Variants in YTHDC1 observed in about 807,000 individuals in gnomAD.
YTHDC1 encodes the protein YTH N6-methyladenosine RNA binding protein C1, also known as YTH domain-containing protein 1.
A neutral mutation model predicts 107.0 loss-of-function variants in YTHDC1; 12 were observed. The ratio of observed to expected loss-of-function variants is 0.11; its 90% CI spans 0.07 to 0.18. The LOEUF (loss-of-function observed/expected upper bound fraction) is 0.18. YTHDC1 is among the 10% of genes least tolerant of loss of function. YTHDC1 has a pLI of 1.00. For missense variants in YTHDC1, 635 were observed against 898.8 expected (o/e 0.71, Z 3.75); for synonymous variants, 280 against 289.5 (o/e 0.97, Z 0.33).
rs991205116 is a variant in YTHDC1, at chr4:68,310,652, T to C, written c.*3447A>G. On this transcript the variant is annotated 3_prime_UTR_variant, in exon 17 of 17. Coordinates refer to ENST00000344157, the MANE Select transcript of YTHDC1 (RefSeq NM_001031732.4). ...TTTCCTGTGTGCCTCAATTTTAATA[T>C]GTGTTTCAAACTGCATTTGGAATGT... is the stretch of plus-strand genomic sequence containing the variant. 2.0e-5 allele frequency: 3 copies of C among 152,174 alleles called. No homozygotes were observed. Among genetic ancestry groups the C allele is most frequent in the African/African-American group, 4.8e-5 (2 of 41,428 alleles). The allele number at this position is 152,174 out of a possible 1,614,324, so 9.4% of individuals were successfully genotyped here.
rs1721839309 is a variant in YTHDC1, at chr4:68,316,195, C to T, written c.1959+119G>A. On this transcript the variant is annotated intron_variant, in intron 16 of 16. Transcript: ENST00000344157. Reference sequence around the variant, plus strand: ...ATAAAAACAAACAATTATTCCAAAACAGTCTGCAGTAAGAATATGCAATGG... The same window carrying T: ...ATAAAAACAAACAATTATTCCAAAATAGTCTGCAGTAAGAATATGCAATGG... 3.5e-6 allele frequency: 4 copies of T among 1,138,944 alleles called. No homozygotes were observed. In the Admixed American group the frequency reaches 1.0e-4, roughly 30 times the overall value. The allele number at this position is 1,138,944 out of a possible 1,614,324, so 70.6% of individuals were successfully genotyped here.
chr4:68,317,052 G>C (rs1419188399), intron 15 of YTHDC1, among the ~76,000 whole-genome samples: 6 of 152,090 alleles, frequency 3.9e-5, no homozygotes, highest in Non-Finnish European at 7.4e-5. Context: ...GTAACAGAGT[G>C]AGACCTTGTC....
In YTHDC1 at chr4:68,337,306, C is replaced by G. The variant is rs1418560842; in HGVS notation, c.604G>C (p.Glu202Gln). Reference protein sequence around the residue: ...DEQGNNTENEEEGVEEDVEED... With the variant: ...DEQGNNTENEQEGVEEDVEED... ...TCCACATCTTCTTCCACTCCTTCCT[C>G]CTCATTCTCAGTGTTGTTCCCTTGC... is the stretch of plus-strand genomic sequence containing the variant. The change falls in exon 4 of 17, where the codon GAG becomes CAG. Residue 202 changes from glutamate to glutamine, a missense_variant. Around this residue, in one of 5 missense-constraint regions of YTHDC1, gnomAD observed 294 missense variants for 312.3 expected, o/e 0.94. Transcript: ENST00000344157. The G allele has an allele frequency of 3.7e-6, 6 of 1,613,970 alleles. No individual in the cohort carries two copies. The highest frequency in any genetic ancestry group is 3.4e-6 in the Non-Finnish European group (4 of 1,179,956).
At chr4:68,349,557 G>A (rs1035893065) in intron 1 of YTHDC1, among the ~76,000 whole-genome samples, 169 bp downstream of exon 1, 3 of 152,066 alleles carry the variant, frequency 2.0e-5, no homozygotes, top group Non-Finnish European at 4.4e-5. Context: ...CGAAAGGGCA[G>A]GCCTGGTCTC....
chr4:68,322,978 C>T lies in YTHDC1; in HGVS notation c.1435-63G>A. On this transcript the variant is annotated intron_variant, in intron 10 of 16. Coordinates refer to ENST00000344157, the MANE Select transcript of YTHDC1 (RefSeq NM_001031732.4). The surrounding 1 kb of genome is among the most constrained non-coding windows in gnomAD (Gnocchi z 4.8). ...GACCCTTTCAACAGACTTGCATTTTCCTGATGTACCAGAACAAAAACTGAC... is the reference window on the plus strand; with the variant it reads ...GACCCTTTCAACAGACTTGCATTTTTCTGATGTACCAGAACAAAAACTGAC... 6.5e-7 allele frequency: 1 copy of T among 1,533,006 alleles called. No individual in the cohort carries two copies. The highest frequency in any genetic ancestry group is 1.4e-5 in the African/African-American group (1 of 73,118). The allele number at this position is 1,533,006 out of a possible 1,614,324, so 95.0% of individuals were successfully genotyped here.
At chr4:68,314,996 A>C (rs1721664920) in intron 16 of YTHDC1, among the ~76,000 whole-genome samples, 1 of 152,196 alleles carries the variant, frequency 6.6e-6, no homozygotes, top group South Asian at 2.1e-4. Context: ...TGATTATGTA[A>C]GTAGAGAATA....
Position 68,333,413 on chromosome 4 carries a change from G to GT in YTHDC1, c.884-17dup, listed in dbSNP as rs745405437. On this transcript the variant is annotated splice_polypyrimidine_tract_variant and intron_variant, in intron 4 of 16. Transcript: ENST00000344157. ...TTTTTCTCATCTAAAAAGAACAAGA[G>GT]TTTTTTTTTTAAATCACAATACAGA... 25,336 of 1,334,398 alleles carry GT rather than the reference G, an allele frequency of 0.019. 2 individuals carry two copies. Among genetic ancestry groups the GT allele is most frequent in the South Asian group, 0.027 (1,892 of 71,146 alleles). The allele number at this position is 1,334,398 out of a possible 1,614,324, so 82.7% of individuals were successfully genotyped here. A position where few individuals can be genotyped will look rare whatever the true frequency, so the allele number is the denominator to read the frequency against.
intron 7 of YTHDC1, 84 bp from the exon 8 acceptor site, chr4:68,330,394 A>C: frequency 1.1e-6 from 1 of 899,010 alleles, no homozygotes; most frequent in African/African-American, 1.7e-5. Flanking sequence ...AAAACTACAT[A>C]TTTTGGTGTG....
At chr4:68,339,214 G>T (rs1019519511) in intron 1 of YTHDC1, among the ~76,000 whole-genome samples, 3 of 152,128 alleles carry the variant, frequency 2.0e-5, no homozygotes, top group Non-Finnish European at 2.9e-5. Context: ...CTGTAACAAT[G>T]CTCTGAGAAT....
chr4:68,336,953 T>C lies in YTHDC1; in HGVS notation c.883+74A>G, dbSNP rs144271900. 405 of 1,505,918 alleles carry C rather than the reference T, an allele frequency of 2.7e-4. 1 individual carries two copies. In the Middle Eastern group the frequency reaches 3.4e-3, roughly 13 times the overall value. The allele number at this position is 1,505,918 out of a possible 1,614,324, so 93.3% of individuals were successfully genotyped here. On this transcript the variant is annotated intron_variant, in intron 4 of 16. Transcript: ENST00000344157. ...ATCCCCCATCTCCTCAACAATTTTA[T>C]AATTTAAACATTTTCAAGACTGAAA...
chr4:68,322,774 G>C lies in YTHDC1; in HGVS notation c.1576C>G (p.Arg526Gly), dbSNP rs1482194512. The change falls in exon 11 of 17, where the codon CGA becomes GGA. Residue 526 changes from arginine to glycine, a missense_variant. By Grantham distance (125) the Arg-to-Gly change is moderately radical. Transcript: ENST00000344157. This position sits in a 1 kb window ranked among gnomAD's most constrained non-coding sequence, Gnocchi z 4.8. Reference protein sequence around the residue: ...QPRSRGRPSRREPVRDVGRRR... With the variant: ...QPRSRGRPSRGEPVRDVGRRR... ...CTTCCCACATCCCGGACTGGTTCTC[G>C]ACGGGATGGACGTCCTCGTGATCGG... The C allele has an allele frequency of 9.3e-6, 15 of 1,613,966 alleles. No homozygotes were observed. Among genetic ancestry groups the C allele is most frequent in the African/African-American group, 1.3e-5 (1 of 74,920 alleles).
At chr4:68,340,864 T>G (rs1178647619) in intron 1 of YTHDC1, among the ~76,000 whole-genome samples, 2 of 152,098 alleles carry the variant, frequency 1.3e-5, no homozygotes, top group Non-Finnish European at 2.9e-5. Context: ...TGCAGAATGT[T>G]AATTTAAATA....
chr4:68,346,975 A>C (rs1301908971), intron 1 of YTHDC1, among the ~76,000 whole-genome samples: 1 of 152,152 alleles, frequency 6.6e-6, no homozygotes, highest in South Asian at 2.1e-4. Context: ...GTCAGGGGAG[A>C]ACTGTTGTAT....
chr4:68,316,445 G>T lies in YTHDC1; in HGVS notation c.1828C>A (p.Pro610Thr), dbSNP rs1479656759. Residue 610 changes from proline to threonine, a missense_variant, in exon 16 of 17, where the codon CCT (proline) becomes ACT (threonine). Pro to Thr is a conservative substitution (Grantham distance 38, BLOSUM62 -1). Around this residue, in one of 5 missense-constraint regions of YTHDC1, gnomAD observed 256 missense variants for 372.9 expected, o/e 0.69. Transcript: ENST00000344157. ...GGAGGTTGTTCCATTCCTGGGTAAG[G>T]GGGCTAAAAAAGGAAAACCATTTAC... ...GPPPPWQGMP[P>T]YPGMEQPPHH... is the part of the protein sequence containing the mutation. 6.2e-7 allele frequency: 1 copy of T among 1,611,624 alleles called. No individual in the cohort carries two copies. The highest frequency in any genetic ancestry group is 1.1e-5 in the South Asian group (1 of 90,648).
chr4:68,348,337 A>G (rs1347896334), intron 1 of YTHDC1, among the ~76,000 whole-genome samples: 1 of 152,232 alleles, frequency 6.6e-6, no homozygotes, highest in Non-Finnish European at 1.5e-5. Flanking sequence ...TTCATAAATT[A>G]GAAAGACAAT....
intron 1 of YTHDC1, among the ~76,000 whole-genome samples, chr4:68,348,855 T>C (rs1725739561): frequency 1.3e-5 from 2 of 152,232 alleles, no homozygotes; most frequent in African/African-American, 4.8e-5. Flanking sequence ...ATGTTAATCT[T>C]AGGGTTGAAA....
chr4:68,320,050 G>C, intron 12 of YTHDC1, 73 bp downstream of exon 12: 2 of 1,302,846 alleles, frequency 1.5e-6, no homozygotes, highest in Non-Finnish European at 2.1e-6. Flanking sequence ...AGGATTGTGA[G>C]GGTTGTTTTT....
intron 3 of YTHDC1, 49 bp from the exon 4 acceptor site, chr4:68,337,499 C>G: frequency 6.2e-7 from 1 of 1,601,242 alleles, no homozygotes; most frequent in Non-Finnish European, 8.5e-7. Context: ...AAGACAAGGT[C>G]AGGGTGAATA....
At chr4:68,332,289 C>T in intron 6 of YTHDC1, 92 bp from the exon 7 acceptor site, 1 of 727,168 alleles carries the variant, frequency 1.4e-6, no homozygotes. Context: ...CCCTCCACAA[C>T]CCAGCTAAAC....
Sources: allele counts gnomAD v4.1 joint callset (sites outside exome capture counted in the v4.1 genomes callset), GRCh38; gene constraint gnomAD v4.1.1; regional missense constraint gnomAD v4.1.1; non-coding constraint Gnocchi (gnomAD v3.1); transcripts MANE v1.5; gene names NCBI Gene and HGNC (gene_info 2026-07-23, HGNC 2026-07-21).